The following SLC34A2 variants were observed in gnomAD, a reference collection of about 807,000 sequenced individuals.
The protein encoded by SLC34A2 is solute carrier family 34 member 2, also known as sodium-dependent phosphate transport protein 2B.
SLC34A2 carries 41 observed loss-of-function variants against 50.8 expected under a neutral mutation model. That is an observed-to-expected ratio of 0.81 (90% CI 0.63 to 1.05). The LOEUF (loss-of-function observed/expected upper bound fraction) is 1.05. Among genes scored for constraint, SLC34A2 ranks in the 50% least tolerant of loss-of-function variants. SLC34A2 has a pLI of 0.00. For missense variants in SLC34A2, 879 were observed against 876.7 expected (o/e 1.00, Z -0.03); for synonymous variants, 401 against 364.2 (o/e 1.10, Z -1.15).
intron 6 of SLC34A2, 58 bp from the exon 7 acceptor site, chr4:25,669,589 T>TCACATGGTGCC: frequency 1.3e-6 from 2 of 1,527,804 alleles, no homozygotes; most frequent in South Asian, 2.2e-5. Flanking sequence ...ATGACCCACC[T>TCACATGGTGCC]CACATGGTGC....
intron 10 of SLC34A2, 53 bp from the exon 11 acceptor site, chr4:25,674,243 C>T (rs1044353793): frequency 2.1e-6 from 3 of 1,423,638 alleles, no homozygotes; most frequent in Admixed American, 1.7e-5. Flanking sequence ...CCCAGGCCAC[C>T]AGGCCATACC....
chr4:25,670,896 ATC>A (rs1714780083), intron 8 of SLC34A2, 63 bp downstream of exon 8: 1 of 1,327,452 alleles, frequency 7.5e-7, no homozygotes, highest in Admixed American at 1.7e-5. Context: ...ATGAAACTAA[ATC>A]TTGCCTTCAA....
chr4:25,663,065 C>T (rs1001158711), intron 3 of SLC34A2, among the ~76,000 whole-genome samples: 4 of 152,004 alleles, frequency 2.6e-5, no homozygotes, highest in Non-Finnish European at 4.4e-5. Flanking sequence ...AGCTCTGCCC[C>T]GTGGGTTCAA....
chr4:25,659,309 A>G (rs1714058546), intron 1 of SLC34A2, among the ~76,000 whole-genome samples: 1 of 152,132 alleles, frequency 6.6e-6, no homozygotes, highest in Admixed American at 6.5e-5. Flanking sequence ...CACAAACTGT[A>G]TAGGACACTC....
In SLC34A2 at chr4:25,662,630, G is replaced by A. The variant is rs1577491445; in HGVS notation, c.112+18G>A. On this transcript the variant is annotated intron_variant, in intron 2 of 12. Transcript: ENST00000382051. ...CAACAAAAGTAAGTGTCGCTCGTTT[G>A]TCTGCAGATCGGCCTTTGTGAGGAC... is the stretch of plus-strand genomic sequence containing the variant. 1 of 1,614,078 alleles carries A rather than the reference G, an allele frequency of 6.2e-7. No homozygotes were observed. Among genetic ancestry groups the A allele is most frequent in the East Asian group, 2.2e-5 (1 of 44,850 alleles).
intron 6 of SLC34A2, 108 bp from the exon 7 acceptor site, chr4:25,669,539 A>G (rs1379465585): frequency 2.1e-6 from 2 of 966,136 alleles, no homozygotes; most frequent in African/African-American, 3.2e-5. Context: ...GCACACTTCC[A>G]TAGGTGACAC....
chr4:25,662,656 C>T, intron 2 of SLC34A2, 44 bp downstream of exon 2: 2 of 1,613,958 alleles, frequency 1.2e-6, no homozygotes, highest in Non-Finnish European at 1.7e-6. Context: ...TTGTGAGGAC[C>T]CCAGGAGACT....
At position 25,676,599 on chromosome 4, in the gene SLC34A2, C is replaced by T. The variant is rs1212864644; in HGVS notation, c.1923C>T (p.Cys641=). The part of the protein sequence containing the change: ...LLCDCPKCCR[C]SKCCEDLEEA... ...GTGACTGCCCCAAGTGCTGCCGCTGCAGCAAGTGCTGCGAGGACTTGGAGG... is the reference window on the plus strand; with the variant it reads ...GTGACTGCCCCAAGTGCTGCCGCTGTAGCAAGTGCTGCGAGGACTTGGAGG... The change falls in exon 13 of 13, where the codon TGC becomes TGT. Residue 641 remains cysteine, a synonymous_variant. Coordinates refer to ENST00000382051, the MANE Select transcript of SLC34A2 (RefSeq NM_006424.3). The T allele has an allele frequency of 6.2e-7, 1 of 1,613,670 alleles. No individual in the cohort carries two copies. Among genetic ancestry groups the T allele is most frequent in the African/African-American group, 1.3e-5 (1 of 75,052 alleles).
rs1351634749 is a variant in SLC34A2 at position 25,673,092 on chromosome 4, CAT to C, written c.1057_1058del (p.Ile353LeufsTer53). On this transcript the variant is annotated frameshift_variant, in exon 10 of 13. Transcript: ENST00000382051. LOFTEE classifies it high-confidence loss of function. The part of the protein sequence containing the change: ...TYKENIAKCQ[H>X]IFVNFHLPDL... ...GATTCTTTGTGGTCTTTCAGGCCAGCATATCTTTGTGAATTTCCACCTCCCGG... is the reference window on the plus strand; with the variant it reads ...GATTCTTTGTGGTCTTTCAGGCCAGCATCTTTGTGAATTTCCACCTCCCGG... 3.1e-6 allele frequency: 5 copies of C among 1,614,146 alleles called. No homozygotes were observed. Among genetic ancestry groups the C allele is most frequent in the Non-Finnish European group, 8.5e-7 (1 of 1,180,022 alleles).
intron 3 of SLC34A2, among the ~76,000 whole-genome samples, chr4:25,663,866 A>C (rs1052267346): frequency 1.3e-5 from 2 of 152,198 alleles, no homozygotes; most frequent in Non-Finnish European, 1.5e-5. Context: ...TAGTGCTGTC[A>C]ACTGCCTCAC....
intron 12 of SLC34A2, 117 bp from the exon 13 acceptor site, chr4:25,676,018 G>A: frequency 6.6e-7 from 1 of 1,510,634 alleles, no homozygotes. Context: ...AAGAAGGCCT[G>A]GAAGGCCCGA....
chr4:25,677,064 A>G lies in SLC34A2; in HGVS notation c.*315A>G, dbSNP rs1007097064. On this transcript the variant is annotated 3_prime_UTR_variant, in exon 13 of 13. Transcript: ENST00000382051. ...CTAGCTGGGTTGGTCAGTAGAACCT[A>G]TTTTCAGACTCAAAAACCATCTTCA... is the stretch of plus-strand genomic sequence containing the variant. 5.4e-6 allele frequency: 2 copies of G among 369,350 alleles called. No individual in the cohort carries two copies. Among genetic ancestry groups the G allele is most frequent in the Non-Finnish European group, 1.0e-5 (2 of 200,446 alleles). 22.9% of individuals were successfully genotyped at this position (369,350 alleles called of 1,614,324 possible). A position where few individuals can be genotyped will look rare whatever the true frequency, so the allele number is the denominator to read the frequency against.
intron 1 of SLC34A2, among the ~76,000 whole-genome samples, chr4:25,661,194 C>G (rs1560234167): frequency 6.6e-6 from 1 of 152,166 alleles, no homozygotes; most frequent in Non-Finnish European, 1.5e-5. Context: ...CTATTAGTCT[C>G]ATAACCCTGC....
At chr4:25,658,154 G>T (rs982400950) in intron 1 of SLC34A2, among the ~76,000 whole-genome samples, 1 of 152,168 alleles carries the variant, frequency 6.6e-6, no homozygotes, top group Non-Finnish European at 1.5e-5. Context: ...TTTTAAAGGA[G>T]ACTCTAAGTT....
At chr4:25,665,279 G>A (rs943705575) in intron 4 of SLC34A2, among the ~76,000 whole-genome samples, 2 of 149,740 alleles carry the variant, frequency 1.3e-5, no homozygotes, top group African/African-American at 2.5e-5. Context: ...CGATTCTTCT[G>A]CCTCAGCCTC....
Position 25,676,854 on chromosome 4 carries a change from C to G in SLC34A2, c.*105C>G, listed in dbSNP as rs1715164004. 1 of 1,505,356 alleles carries G rather than the reference C, an allele frequency of 6.6e-7. No homozygotes were observed. 93.2% of individuals were successfully genotyped at this position (1,505,356 alleles called of 1,614,324 possible). On this transcript the variant is annotated 3_prime_UTR_variant, in exon 13 of 13. Transcript: ENST00000382051. The stretch of plus-strand genomic sequence containing the variant: ...TCACCACCTCGAGGAGATTTGCTCC[C>G]CATTAGCGAATGAAATTGATGCAGT...
At position 25,674,405 on chromosome 4, in the gene SLC34A2, C is replaced by T; in HGVS notation, c.1326C>T (p.Pro442=). The change falls in exon 11 of 13, where the codon CCC becomes CCT. Residue 442 remains proline (P), a synonymous_variant. Coordinates refer to ENST00000382051, the MANE Select transcript of SLC34A2 (RefSeq NM_006424.3). ...SSSVFTSALT[P]LIGIGVITIE... is the part of the protein sequence containing the mutation. ...CTGTGTTCACGTCGGCCTTGACCCC[C>T]CTGATTGGTGAGTTACACCCTGGCT... 1.9e-6 allele frequency: 3 copies of T among 1,614,220 alleles called. No individual in the cohort carries two copies. Among genetic ancestry groups the T allele is most frequent in the Non-Finnish European group, 1.7e-6 (2 of 1,180,016 alleles).
chr4:25,658,734 C>T (rs1714017523), intron 1 of SLC34A2, among the ~76,000 whole-genome samples: 1 of 152,174 alleles, frequency 6.6e-6, no homozygotes, highest in Non-Finnish European at 1.5e-5. Flanking sequence ...ATGACTTCTC[C>T]CTTCCTCTGC....
At position 25,678,686 on chromosome 4, in the gene SLC34A2, AAT is replaced by A; in HGVS notation, c.*1938_*1939del. ...GTGAGCCACCACCAGGCCTGATTGTAATTTTTTTTTTTTTTTTTTTACTGGTT... is the reference window on the plus strand; with the variant it reads ...GTGAGCCACCACCAGGCCTGATTGTATTTTTTTTTTTTTTTTTTACTGGTT... On this transcript the variant is annotated 3_prime_UTR_variant, in exon 13 of 13. Coordinates refer to ENST00000382051, the MANE Select transcript of SLC34A2 (RefSeq NM_006424.3). 6 of 408,722 alleles carry A rather than the reference AAT, an allele frequency of 1.5e-5. No individual in the cohort carries two copies. Among genetic ancestry groups the A allele is most frequent in the East Asian group, 3.9e-5 (1 of 25,900 alleles). The allele number at this position is 408,722 out of a possible 1,614,324, so 25.3% of individuals were successfully genotyped here.
Sources: allele counts gnomAD v4.1 joint callset (sites outside exome capture counted in the v4.1 genomes callset), GRCh38; gene constraint gnomAD v4.1.1; transcripts MANE v1.5; gene names NCBI Gene and HGNC (gene_info 2026-07-23, HGNC 2026-07-21).